The following RBFOX1 variants were observed in gnomAD, a reference collection of about 807,000 sequenced individuals.
RBFOX1 encodes RNA binding fox-1 homolog 1, also known as RNA binding protein fox-1 homolog 1.
In RBFOX1, 8 loss-of-function variants were observed where a neutral mutation model predicts 57.7. The observed-to-expected ratio is 0.14, with a 90% CI of 0.08 to 0.25. RBFOX1 has a LOEUF of 0.25. Among genes scored for constraint, RBFOX1 ranks in the 10% least tolerant of loss-of-function variants. RBFOX1 has a pLI of 1.00. For synonymous variants in RBFOX1, 326 were observed against 222.4 expected, an observed-to-expected ratio of 1.47 and a Z score of -4.15; for missense variants, 611 against 548.5, an observed-to-expected ratio of 1.11 and a Z score of -1.14.
At chr16:7,623,157 C>G (rs2142121875) in intron 10 of RBFOX1, among the ~76,000 whole-genome samples, 1 of 152,252 alleles carries the variant, frequency 6.6e-6, no homozygotes, top group African/African-American at 2.4e-5. Flanking sequence ...GCTAGTGCTG[C>G]CATAGCAAAG....
At chr16:7,693,855 A>C (rs922756972) in intron 14 of RBFOX1, among the ~76,000 whole-genome samples, 1 of 152,204 alleles carries the variant, frequency 6.6e-6, no homozygotes, top group East Asian at 1.9e-4. Context: ...TCTGTCTTAT[A>C]AGAAGGGGAT....
At chr16:6,813,781 C>A (rs941953868) in intron 3 of RBFOX1, among the ~76,000 whole-genome samples, 1 of 152,188 alleles carries the variant, frequency 6.6e-6, no homozygotes, top group African/African-American at 2.4e-5. Flanking sequence ...CAGGCACCTG[C>A]AGAGATGCGG....
At chr16:5,431,457 C>T (rs537794434) in intron 1 of RBFOX1, among the ~76,000 whole-genome samples, 9 of 152,026 alleles carry the variant, frequency 5.9e-5, no homozygotes, top group Non-Finnish European at 1.0e-4. Context: ...TCACTACAAC[C>T]TCCGCCTCCT....
At chr16:5,587,341 G>A (rs368559703) in intron 2 of RBFOX1, among the ~76,000 whole-genome samples, 1 of 152,224 alleles carries the variant, frequency 6.6e-6, no homozygotes, top group Non-Finnish European at 1.5e-5. Flanking sequence ...GCTCGACATC[G>A]TCAGTCATCG....
intron 3 of RBFOX1, among the ~76,000 whole-genome samples, chr16:6,963,516 A>T (rs966732477): frequency 6.6e-6 from 1 of 152,130 alleles, no homozygotes; most frequent in East Asian, 1.9e-4. Context: ...ATTTGTTTGC[A>T]AAGGAGTGAA....
At chr16:5,335,029 A>T (rs535145700) in intron 1 of RBFOX1, among the ~76,000 whole-genome samples, 1 of 152,296 alleles carries the variant, frequency 6.6e-6, no homozygotes, top group African/African-American at 2.4e-5. Flanking sequence ...TCTGATAAAC[A>T]TCACCAAAGT....
chr16:6,734,591 C>G (rs1456067322), intron 3 of RBFOX1, among the ~76,000 whole-genome samples: 1 of 152,066 alleles, frequency 6.6e-6, no homozygotes, highest in African/African-American at 2.4e-5. Context: ...CTTAACTACT[C>G]TCCTAAACTC....
At chr16:6,842,358 T>C (rs1190920368) in intron 3 of RBFOX1, among the ~76,000 whole-genome samples, 1 of 152,094 alleles carries the variant, frequency 6.6e-6, no homozygotes, top group East Asian at 1.9e-4. Context: ...ACAAATACTT[T>C]GTGCACATAT....
rs980442455 is a variant in RBFOX1, at chr16:6,194,419, C to G, written c.-126-122576C>G. The stretch of plus-strand genomic sequence containing the variant: ...GTTTAAGTGTTTTCAGGATTATGAC[C>G]AAGCTTAGTAACGTGACTTGTTCCT... On this transcript the variant is annotated intron_variant, in intron 1 of 15. Transcript: ENST00000550418. Among the ~76,000 whole-genome samples the G allele has an allele frequency of 7.2e-5, 11 of 152,222 alleles. No individual in the cohort carries two copies. The East Asian group carries it at 1.4e-3, about 19-fold the overall frequency.
intron 1 of RBFOX1, among the ~76,000 whole-genome samples, chr16:6,175,023 T>C (rs2096992763): frequency 6.6e-6 from 1 of 152,212 alleles, no homozygotes; most frequent in African/African-American, 2.4e-5. Flanking sequence ...TCTTTAACCA[T>C]AGTGTGGTAA....
rs554111051 is a variant in RBFOX1, at chr16:5,747,423, C to G, written c.319-119880C>G. Among the ~76,000 whole-genome samples the G allele has an allele frequency of 5.6e-4, 86 of 152,280 alleles. 1 individual carries two copies. The highest frequency in any genetic ancestry group is 9.2e-4 in the Admixed American group (14 of 15,294). ...TAAAATGAGTTAGGGAGGATTCCCT[C>G]TTTTTCTGTTGATTGGACTAGTTTC... On this transcript the variant is annotated intron_variant, in intron 3 of 19. Transcript: ENST00000641259.
At chr16:5,556,449 T>G (rs1398274320) in intron 2 of RBFOX1, among the ~76,000 whole-genome samples, 2 of 152,246 alleles carry the variant, frequency 1.3e-5, no homozygotes, top group Non-Finnish European at 2.9e-5. Context: ...CATTTGACAT[T>G]AGTTCAGAGA....
In RBFOX1 at chr16:5,409,235, C is replaced by A. The variant is rs188173193; in HGVS notation, c.220-57981C>A. On this transcript the variant is annotated intron_variant, in intron 1 of 2. Transcript: ENST00000585867. Reference sequence around the variant, plus strand: ...AGACGATCAGAAGGCGATGGCTTGGCCTTCCTGTGTGTGGCTGCGATGGAC... The same window carrying A: ...AGACGATCAGAAGGCGATGGCTTGGACTTCCTGTGTGTGGCTGCGATGGAC... Among the ~76,000 whole-genome samples the A allele has an allele frequency of 2.7e-3, 410 of 152,276 alleles. 3 individuals are homozygous for A. The highest frequency in any genetic ancestry group is 4.2e-3 in the Admixed American group (65 of 15,302).
At chr16:6,893,557 T>C (rs980298183) in intron 3 of RBFOX1, among the ~76,000 whole-genome samples, 1 of 152,100 alleles carries the variant, frequency 6.6e-6, no homozygotes, top group Non-Finnish European at 1.5e-5. Context: ...ACCAAGTCCA[T>C]GAGCCCCAAA....
At chr16:5,421,444 C>G (rs2067323740) in intron 1 of RBFOX1, among the ~76,000 whole-genome samples, 1 of 152,264 alleles carries the variant, frequency 6.6e-6, no homozygotes, top group South Asian at 2.1e-4. Context: ...TTGGGGGTGT[C>G]CACGTGCAAG....
In RBFOX1 at chr16:5,774,934, C is replaced by T. The variant is rs138576870; in HGVS notation, c.319-92369C>T. On this transcript the variant is annotated intron_variant, in intron 3 of 19. Coordinates refer to the RBFOX1 transcript ENST00000641259. ...CTGACCTCAGGTGATCCACCCACTT[C>T]GGCCTCCCAAAGTGTTGAGATTGCA... Among the ~76,000 whole-genome samples, 400 of 152,234 alleles carry T rather than the reference C, an allele frequency of 2.6e-3. 1 individual carries two copies. Among genetic ancestry groups the T allele is most frequent in the Non-Finnish European group, 3.9e-3 (266 of 68,018 alleles).
At chr16:7,291,900 A>G (rs1174143738) in intron 4 of RBFOX1, among the ~76,000 whole-genome samples, 12 of 145,700 alleles carry the variant, frequency 8.2e-5, no homozygotes, top group East Asian at 5.9e-4. Context: ...AATGTACTAT[A>G]TAATGTATTA....
intron 3 of RBFOX1, among the ~76,000 whole-genome samples, chr16:6,873,502 A>G (rs960570823): frequency 2.0e-5 from 3 of 152,180 alleles, no homozygotes; most frequent in Non-Finnish European, 4.4e-5. Flanking sequence ...CCTCAAGGCT[A>G]TGACAGTGGA....
chr16:5,737,874 T>C (rs2052635147), intron 3 of RBFOX1, among the ~76,000 whole-genome samples: 1 of 152,216 alleles, frequency 6.6e-6, no homozygotes, highest in South Asian at 2.1e-4. Flanking sequence ...TTAAAAATTA[T>C]ACTTTAAGTT....
Sources: allele counts gnomAD v4.1 joint callset (sites outside exome capture counted in the v4.1 genomes callset), GRCh38; gene constraint gnomAD v4.1.1; transcripts MANE v1.5; gene names NCBI Gene and HGNC (gene_info 2026-07-23, HGNC 2026-07-21).